Variants in UTS2 observed in about 807,000 individuals in gnomAD.
The protein encoded by UTS2 is urotensin-2.
UTS2 carries 10 observed loss-of-function variants against 12.6 expected under a neutral mutation model. That is an observed-to-expected ratio of 0.80 (90% confidence interval 0.49 to 1.35). The LOEUF (loss-of-function observed/expected upper bound fraction) is 1.35. UTS2 is among the 40% of genes most tolerant of loss of function. The probability of loss-of-function intolerance (pLI) is 0.00; values close to 1 mark genes in which losing one functional copy is unlikely to be tolerated. For missense variants in UTS2, 142 were observed against 143.2 expected (o/e 0.99, Z 0.04); for synonymous variants, 52 against 50.0 (o/e 1.04, Z -0.17).
the UTS2 span, among the ~76,000 whole-genome samples, chr1:7,891,589 A>AAAGAAAGAAAGAAAG: frequency 2.0e-5 from 3 of 150,880 alleles, no homozygotes; most frequent in Admixed American, 6.6e-5. Flanking sequence ...AGAAAGAAAG[A>AAAGAAAGAAAGAAAG]AAGAAAGAAA....
chr1:7,894,073 G>A, the UTS2 span, among the ~76,000 whole-genome samples: 1 of 151,656 alleles, frequency 6.6e-6, no homozygotes, highest in East Asian at 1.9e-4. Flanking sequence ...AGTAAATGGA[G>A]ATGTTTGAAC....
chr1:7,895,495 G>A, the UTS2 span, among the ~76,000 whole-genome samples: 1 of 152,136 alleles, frequency 6.6e-6, no homozygotes, highest in East Asian at 1.9e-4. Context: ...GCTGTGCTTA[G>A]TGCAGGAGAA....
the UTS2 span, among the ~76,000 whole-genome samples, chr1:7,910,107 G>A: frequency 6.6e-6 from 1 of 152,094 alleles, no homozygotes; most frequent in Non-Finnish European, 1.5e-5. Flanking sequence ...GGCCTCAGAA[G>A]CAAGTTTTTC....
chr1:7,903,010 TCTTCCCCTCCTTCCCCTCCTCCCCTC>T, the UTS2 span, among the ~76,000 whole-genome samples: 1 of 66,688 alleles, frequency 1.5e-5, no homozygotes, highest in Non-Finnish European at 2.5e-5. Flanking sequence ...CCTCCTTCCC[TCTTCCCCTCCTTCCCCTCCTCCCCTC>T]CTTCCCCTCC....
the UTS2 span, among the ~76,000 whole-genome samples, chr1:7,910,462 T>C: frequency 6.6e-6 from 1 of 152,076 alleles, no homozygotes; most frequent in Non-Finnish European, 1.5e-5. Flanking sequence ...CCCCACTCAG[T>C]CCACTAGCAT....
At chr1:7,912,914 C>T in the UTS2 span, among the ~76,000 whole-genome samples, 484 of 149,156 alleles carry the variant, frequency 3.2e-3, 2 homozygotes, top group African/African-American at 0.011. Context: ...TTTTTTTTTT[C>T]TCTCTCTCTC....
At chr1:7,894,085 C>T in the UTS2 span, among the ~76,000 whole-genome samples, 1 of 151,886 alleles carries the variant, frequency 6.6e-6, no homozygotes, top group Non-Finnish European at 1.5e-5. Flanking sequence ...TGTTTGAACT[C>T]TACCCCATCC....
At chr1:7,895,610 C>T in the UTS2 span, among the ~76,000 whole-genome samples, 1 of 152,080 alleles carries the variant, frequency 6.6e-6, no homozygotes, top group African/African-American at 2.4e-5. Flanking sequence ...TACCATCTGA[C>T]GTGATGGAAA....
chr1:7,863,100 ATTGTATTGTATTGT>A, the UTS2 span, among the ~76,000 whole-genome samples: 1 of 129,726 alleles, frequency 7.7e-6, no homozygotes, highest in African/African-American at 3.3e-5. Flanking sequence ...ATTGTATTGT[ATTGTATTGTATTGT>A]ATTGTATTGT....
the UTS2 span, among the ~76,000 whole-genome samples, chr1:7,879,128 A>G: frequency 6.6e-6 from 1 of 152,182 alleles, no homozygotes; most frequent in African/African-American, 2.4e-5. Flanking sequence ...ACAAAGAAAC[A>G]TTGGATTTAA....
chr1:7,885,845 GC>G, the UTS2 span, among the ~76,000 whole-genome samples: 144,105 of 144,118 alleles, frequency 1, 72,046 homozygotes, highest in Middle Eastern at 1. Flanking sequence ...GAAGGGCGAG[GC>G]CCAGGAGAGG....
chr1:7,850,925 A>G lies in UTS2; in HGVS notation c.104-3T>C. ...TAAGCGCGCGTCTTCATGAGGTGCT[A>G]CAGAGTAAAAACAGATACTTAGAAT... On this transcript the variant is annotated splice_region_variant and splice_polypyrimidine_tract_variant and intron_variant, in intron 1 of 3. Transcript: ENST00000361696. 1 of 1,614,052 alleles carries G rather than the reference A, an allele frequency of 6.2e-7. No individual in the cohort carries two copies.
At chr1:7,856,465 C>T (rs867108022), upstream of UTS2, among the ~76,000 whole-genome samples, 5 of 152,158 alleles carry the variant, frequency 3.3e-5, no homozygotes, top group African/African-American at 7.2e-5. Context: ...GGCAGCCATC[C>T]GTTCAGTGGT....
chr1:7,902,488 C>T, the UTS2 span, among the ~76,000 whole-genome samples: 6 of 152,198 alleles, frequency 3.9e-5, no homozygotes, highest in African/African-American at 1.2e-4. Flanking sequence ...TTCCACTCCC[C>T]ATACATTTTC....
chr1:7,907,497 A>T, the UTS2 span, among the ~76,000 whole-genome samples: 1 of 151,906 alleles, frequency 6.6e-6, no homozygotes, highest in South Asian at 2.1e-4. Flanking sequence ...AAATTTAAAC[A>T]TTTTTTTAAA....
the UTS2 span, among the ~76,000 whole-genome samples, chr1:7,883,242 G>A: frequency 6.6e-6 from 1 of 152,168 alleles, no homozygotes; most frequent in East Asian, 1.9e-4. Context: ...AACATGGATT[G>A]AACTTGAATT....
At chr1:7,907,340 C>G in the UTS2 span, among the ~76,000 whole-genome samples, 4 of 151,248 alleles carry the variant, frequency 2.6e-5, no homozygotes, top group African/African-American at 7.3e-5. Context: ...GTCTGACTGT[C>G]CTTAGGTGTC....
chr1:7,865,924 G>T, the UTS2 span, among the ~76,000 whole-genome samples: 1 of 152,186 alleles, frequency 6.6e-6, no homozygotes, highest in Non-Finnish European at 1.5e-5. Flanking sequence ...GACAGAGTGA[G>T]ACCCCGTCTC....
At chr1:7,853,281 T>C, upstream of UTS2, 1 of 1,613,870 alleles carries the variant, frequency 6.2e-7, no homozygotes, top group Non-Finnish European at 8.5e-7. Flanking sequence ...AGTGAGTTTA[T>C]AAATCTGGCA....
Sources: allele counts gnomAD v4.1 joint callset (sites outside exome capture counted in the v4.1 genomes callset), GRCh38; gene constraint gnomAD v4.1.1; transcripts MANE v1.5; gene names NCBI Gene and HGNC (gene_info 2026-07-23, HGNC 2026-07-21).